The following RGL1 variants were observed in gnomAD, a reference collection of about 807,000 sequenced individuals.
The protein encoded by RGL1 is ral guanine nucleotide dissociation stimulator-like 1.
RGL1 carries 24 observed loss-of-function variants against 95.2 expected under a neutral mutation model. The observed-to-expected ratio is 0.25, with a 90% CI of 0.18 to 0.35. The LOEUF (loss-of-function observed/expected upper bound fraction) is 0.35, where lower values mean the gene tolerates loss of function less well. Ranked by LOEUF, RGL1 falls within the 10% of genes least tolerant of loss-of-function variation. RGL1 has a pLI of 1.00. For synonymous variants in RGL1, 329 were observed against 344.9 expected (o/e 0.95, Z 0.51); for missense variants, 715 against 936.3 (o/e 0.76, Z 3.08).
chr1:183,697,686 C>T (rs942506895), intron 1 of RGL1, among the ~76,000 whole-genome samples: 1 of 152,228 alleles, frequency 6.6e-6, no homozygotes, highest in Non-Finnish European at 1.5e-5. Flanking sequence ...TAAAAACTGT[C>T]ATTGGTTTTG....
chr1:183,772,017 C>T (rs978359624), intron 2 of RGL1, among the ~76,000 whole-genome samples: 2 of 152,204 alleles, frequency 1.3e-5, no homozygotes, highest in Admixed American at 6.5e-5. Flanking sequence ...CGGAGTTTGG[C>T]CAGGGCAGTC....
chr1:183,887,270 G>A (rs1667176694), intron 7 of RGL1, among the ~76,000 whole-genome samples: 1 of 119,722 alleles, frequency 8.4e-6, no homozygotes, highest in East Asian at 2.4e-4. Flanking sequence ...TAAAAAGGGT[G>A]GACATGACTT....
At position 183,883,862 on chromosome 1, in the gene RGL1, G is replaced by A. The variant is rs576373103; in HGVS notation, c.687G>A (p.Thr229=). ...ELEGGESAEF[T]CFSEDLVAEQ... Reference sequence around the variant, plus strand: ...AGGGTGGAGAGTCAGCAGAATTCACGTGCTTCTCAGAAGATCTCGTGGCAG... The same window carrying A: ...AGGGTGGAGAGTCAGCAGAATTCACATGCTTCTCAGAAGATCTCGTGGCAG... The change falls in exon 6 of 18, where the codon ACG becomes ACA. Residue 229 remains threonine, a synonymous_variant. Transcript: ENST00000360851. 60 of 1,613,990 alleles carry A rather than the reference G, an allele frequency of 3.7e-5. No homozygotes were observed. Among genetic ancestry groups the A allele is most frequent in the African/African-American group, 1.3e-4 (10 of 74,926 alleles).
intron 2 of RGL1, among the ~76,000 whole-genome samples, chr1:183,774,437 G>T (rs1482120340): frequency 6.6e-6 from 1 of 152,180 alleles, no homozygotes; most frequent in Non-Finnish European, 1.5e-5. Context: ...ATGACTGTGG[G>T]ACTGGGAGAA....
intron 3 of RGL1, among the ~76,000 whole-genome samples, chr1:183,851,331 A>G (rs1014848736): frequency 6.6e-6 from 1 of 152,202 alleles, no homozygotes; most frequent in Non-Finnish European, 1.5e-5. Context: ...GATGGAACTC[A>G]GGAATATGAG....
At chr1:183,877,348 A>T (rs564123046) in intron 4 of RGL1, among the ~76,000 whole-genome samples, 139 of 152,386 alleles carry the variant, frequency 9.1e-4, no homozygotes, top group Non-Finnish European at 1.7e-3. Flanking sequence ...TAAGACCGAA[A>T]AGCCATTGGC....
At chr1:183,671,747 T>C (rs1042055605) in intron 1 of RGL1, among the ~76,000 whole-genome samples, 3 of 152,172 alleles carry the variant, frequency 2.0e-5, no homozygotes, top group Admixed American at 6.5e-5. Flanking sequence ...AATCTGGTTT[T>C]CCAATTAGGT....
chr1:183,926,325 G>A lies in RGL1; in HGVS notation c.*33G>A. 6.4e-7 allele frequency: 1 copy of A among 1,565,124 alleles called. No individual in the cohort carries two copies. The highest frequency in any genetic ancestry group is 1.4e-5 in the African/African-American group (1 of 73,242). ...GACCAGTGGCCCCTTGTTTGCCAAA[G>A]GCAGAGTGGGGCTGAGAAACAGGCT... is the stretch of plus-strand genomic sequence containing the variant. On this transcript the variant is annotated 3_prime_UTR_variant, in exon 18 of 18. Coordinates refer to ENST00000360851, the MANE Select transcript of RGL1 (RefSeq NM_001297671.3).
intron 4 of RGL1, among the ~76,000 whole-genome samples, chr1:183,880,189 T>A (rs1666742597): frequency 6.6e-6 from 1 of 152,232 alleles, no homozygotes; most frequent in Non-Finnish European, 1.5e-5. Context: ...CAGATGGATT[T>A]CTGGCCTACC....
At chr1:183,836,576 A>G (rs537494863) in intron 2 of RGL1, among the ~76,000 whole-genome samples, 2 of 152,218 alleles carry the variant, frequency 1.3e-5, no homozygotes, top group East Asian at 1.9e-4. Flanking sequence ...CCTTCAGTGT[A>G]TGTTTCAAAG....
intron 2 of RGL1, among the ~76,000 whole-genome samples, chr1:183,818,204 A>T (rs1174213947): frequency 6.6e-6 from 1 of 152,068 alleles, no homozygotes; most frequent in Non-Finnish European, 1.5e-5. Context: ...AGGGATGATG[A>T]TCCTCTTCTC....
At position 183,709,669 on chromosome 1, in the gene RGL1, C is replaced by T. The variant is rs537773099; in HGVS notation, c.-32-32457C>T. 3.0e-4 allele frequency: 65 copies of T among 215,206 alleles called. 1 individual carries two copies. Among genetic ancestry groups the T allele is most frequent in the African/African-American group, 1.5e-3 (63 of 43,440 alleles). 13.3% of individuals were successfully genotyped at this position (215,206 alleles called of 1,614,324 possible). ...TCACAGTTATTTATGAACTAGGTCTCGGAAAGCAATGGCTAGTGATCATGT... is the reference window on the plus strand; with the variant it reads ...TCACAGTTATTTATGAACTAGGTCTTGGAAAGCAATGGCTAGTGATCATGT... On this transcript the variant is annotated intron_variant, in intron 1 of 18. Transcript: ENST00000304685.
chr1:183,671,853 A>G (rs763964328), intron 1 of RGL1, among the ~76,000 whole-genome samples: 2 of 152,068 alleles, frequency 1.3e-5, no homozygotes, highest in Non-Finnish European at 2.9e-5. Flanking sequence ...CTGTTGAGAA[A>G]TTCATTGTCG....
rs953277150 is a variant in RGL1 at position 183,752,986 on chromosome 1, T to C, written c.132+10697T>C. ...CATGTGGGTTTCCTTTTATTTAACA[T>C]TTTGGGGTACGAGGGCTTCTCAAAT... On this transcript the variant is annotated intron_variant, in intron 2 of 18. Transcript: ENST00000304685. 3.9e-5 allele frequency among the ~76,000 whole-genome samples: 6 copies of C among 152,166 alleles called. No homozygotes were observed. In the South Asian group the frequency reaches 1.2e-3, roughly 32 times the overall value.
At chr1:183,809,064 T>C (rs921062507) in intron 2 of RGL1, among the ~76,000 whole-genome samples, 7 of 152,244 alleles carry the variant, frequency 4.6e-5, no homozygotes, top group Admixed American at 2.0e-4. Context: ...GTTGCGAAGC[T>C]ATGATCTCAC....
intron 1 of RGL1, among the ~76,000 whole-genome samples, chr1:183,669,447 C>A (rs550097769): frequency 3.9e-5 from 6 of 152,318 alleles, no homozygotes; most frequent in African/African-American, 1.4e-4. Context: ...AGTCCATAGT[C>A]CATAGAAGCA....
At chr1:183,806,339 T>C (rs1157897290) in intron 1 of RGL1, 36 bp from the exon 2 acceptor site, 5 of 1,544,350 alleles carry the variant, frequency 3.2e-6, no homozygotes, top group Non-Finnish European at 4.5e-6. Flanking sequence ...AGGAAAAAAA[T>C]ACTCTTTTTC....
intron 11 of RGL1, among the ~76,000 whole-genome samples, chr1:183,901,454 G>A (rs191439348): frequency 6.6e-6 from 1 of 152,084 alleles, no homozygotes; most frequent in African/African-American, 2.4e-5. Flanking sequence ...GTCATTGCAC[G>A]ATCTAGGTGC....
chr1:183,888,172 G>T (rs1667225455), intron 7 of RGL1, among the ~76,000 whole-genome samples: 1 of 152,138 alleles, frequency 6.6e-6, no homozygotes, highest in African/African-American at 2.4e-5. Flanking sequence ...TTCTAGCATA[G>T]CTCTGTAGAC....
Sources: gnomAD v4.1 joint callset for allele counts (sites outside exome capture counted in the v4.1 genomes callset) on GRCh38, gnomAD v4.1.1 for gene constraint, MANE v1.5 for transcripts, NCBI Gene and HGNC (gene_info 2026-07-23, HGNC 2026-07-21) for gene names.